SPTBN1: variants seen among roughly 807,000 people sequenced by gnomAD.
SPTBN1 encodes spectrin beta, non-erythrocytic 1.
Under a neutral mutation model 266.4 loss-of-function variants are expected in SPTBN1, and 32 were observed. That is an observed-to-expected ratio of 0.12 (90% CI 0.09 to 0.16). The LOEUF (loss-of-function observed/expected upper bound fraction) is 0.16, where lower values mean the gene tolerates loss of function less well. Among genes scored for constraint, SPTBN1 ranks in the 10% least tolerant of loss-of-function variants. The pLI is 1.00. For synonymous variants in SPTBN1, 1,336 were observed against 1,162.2 expected, an observed-to-expected ratio of 1.15 and a Z score of -3.04; for missense variants, 2,296 against 3,067.1, an observed-to-expected ratio of 0.75 and a Z score of 5.94.
At chr2:54,625,842 C>G (rs1226384953) in intron 11 of SPTBN1, 90 bp from the exon 12 acceptor site, 1 of 1,413,048 alleles carries the variant, frequency 7.1e-7, no homozygotes, top group Middle Eastern at 2.3e-4. Context: ...CTGCCCGCCT[C>G]GGCCTCCCAA....
rs933944192 is a variant in SPTBN1 at position 54,645,157 on chromosome 2, C to T, written c.4270-72C>T. ...CGGTGTGGCCAAGTCCCAGGCCCAG[C>T]AGTTCTGCTTAGAGCCAGTCACTGC... On this transcript the variant is annotated intron_variant, in intron 20 of 35. Coordinates refer to ENST00000356805, the MANE Select transcript of SPTBN1 (RefSeq NM_003128.3). The surrounding 1 kb of genome is among the most constrained non-coding windows in gnomAD (Gnocchi z 4.3). 4 of 1,535,324 alleles carry T rather than the reference C, an allele frequency of 2.6e-6. No individual in the cohort carries two copies. The highest frequency in any genetic ancestry group is 2.7e-6 in the Non-Finnish European group (3 of 1,117,486).
chr2:54,577,904 T>G lies in SPTBN1; in HGVS notation c.149-21188T>G, dbSNP rs1408234336. Among the ~76,000 whole-genome samples, 4 of 148,774 alleles carry G rather than the reference T, an allele frequency of 2.7e-5. No homozygotes were observed. The East Asian group carries it at 7.7e-4, about 29-fold the overall frequency. On this transcript the variant is annotated intron_variant, in intron 2 of 35. Coordinates refer to ENST00000356805, the MANE Select transcript of SPTBN1 (RefSeq NM_003128.3). The stretch of plus-strand genomic sequence containing the variant: ...GTTGAGAGGTAGAAATTCCTGATCC[T>G]TTTTTCAATCTTAAAGGATTTGCTG...
At chr2:54,497,866 C>T (rs1042962473) in intron 1 of SPTBN1, among the ~76,000 whole-genome samples, 2 of 152,192 alleles carry the variant, frequency 1.3e-5, no homozygotes, top group Non-Finnish European at 2.9e-5. Context: ...AGGGTTCCAG[C>T]TCTGCACAGC....
chr2:54,622,228 G>A (rs1161753946), intron 8 of SPTBN1, 72 bp from the exon 9 acceptor site: 13 of 1,516,244 alleles, frequency 8.6e-6, no homozygotes, highest in Middle Eastern at 2.1e-4. Flanking sequence ...GCATGCACTC[G>A]TATAGGGTTA....
At chr2:54,522,697 G>GAGAGAGAGAGAGAAAGAGAAAGAA (rs1553439438) in intron 1 of SPTBN1, among the ~76,000 whole-genome samples, 11,281 of 94,880 alleles carry the variant, frequency 0.12, 1,231 homozygotes, top group East Asian at 0.25. Flanking sequence ...GAGAGAGAGA[G>GAGAGAGAGAGAGAAAGAGAAAGAA]AGAAAGAAAG....
At chr2:54,623,313 G>T (rs1042754314) in intron 9 of SPTBN1, among the ~76,000 whole-genome samples, 166 bp from the exon 10 acceptor site, 4 of 152,156 alleles carry the variant, frequency 2.6e-5, no homozygotes, top group Admixed American at 1.3e-4. Context: ...GAAATTCCAC[G>T]GTTTGGTATG....
intron 30 of SPTBN1, among the ~76,000 whole-genome samples, chr2:54,658,325 C>T (rs778260571): frequency 5.9e-5 from 9 of 151,998 alleles, no homozygotes; most frequent in Non-Finnish European, 1.0e-4. Flanking sequence ...CTTTTTTCTT[C>T]GAATCTTTCA....
At chr2:54,469,218 G>GT (rs1160953228) in intron 1 of SPTBN1, among the ~76,000 whole-genome samples, 5 of 152,184 alleles carry the variant, frequency 3.3e-5, no homozygotes, top group Non-Finnish European at 7.4e-5. Flanking sequence ...AACGGCTTCC[G>GT]TATCTGCTGA....
At chr2:54,589,387 G>A (rs1056532141) in intron 2 of SPTBN1, among the ~76,000 whole-genome samples, 2 of 152,118 alleles carry the variant, frequency 1.3e-5, no homozygotes, top group African/African-American at 4.8e-5. Context: ...TCTCCACATT[G>A]GCAAACTGGG....
intron 3 of SPTBN1, among the ~76,000 whole-genome samples, chr2:54,608,271 T>C (rs1016876707): frequency 6.6e-6 from 1 of 152,156 alleles, no homozygotes; most frequent in Non-Finnish European, 1.5e-5. Flanking sequence ...ATAAGAGCAA[T>C]AAATGAAACA....
chr2:54,540,240 T>G lies in SPTBN1; in HGVS notation c.148+13674T>G, dbSNP rs57224982. Reference sequence around the variant, plus strand: ...TTTCTTTTCTAGTAATAAACAGAAGTAAGACCAGCTGATTGATAGAATCCT... The same window carrying G: ...TTTCTTTTCTAGTAATAAACAGAAGGAAGACCAGCTGATTGATAGAATCCT... On this transcript the variant is annotated intron_variant, in intron 2 of 35. Transcript: ENST00000356805. This position sits in a 1 kb window ranked among gnomAD's most constrained non-coding sequence, Gnocchi z 5.6. 0.021 allele frequency among the ~76,000 whole-genome samples: 3,151 copies of G among 152,312 alleles called. 116 individuals are homozygous for G. Among genetic ancestry groups the G allele is most frequent in the African/African-American group, 0.069 (2,870 of 41,570 alleles).
At chr2:54,475,525 C>T (rs1245170911) in intron 1 of SPTBN1, among the ~76,000 whole-genome samples, 2 of 152,248 alleles carry the variant, frequency 1.3e-5, no homozygotes, top group East Asian at 3.9e-4. Flanking sequence ...TGAGGAATGG[C>T]CTGTGTCCAG....
chr2:54,569,231 G>A (rs1158163791), intron 2 of SPTBN1, among the ~76,000 whole-genome samples: 9 of 152,168 alleles, frequency 5.9e-5, no homozygotes, highest in East Asian at 1.9e-4. Flanking sequence ...CTCCAGAACC[G>A]TCCTGATGGA....
At position 54,649,567 on chromosome 2, in the gene SPTBN1, C is replaced by A; in HGVS notation, c.5203-48C>A. 6.3e-7 allele frequency: 1 copy of A among 1,582,356 alleles called. No individual in the cohort carries two copies. The highest frequency in any genetic ancestry group is 8.6e-7 in the Non-Finnish European group (1 of 1,160,594). The stretch of plus-strand genomic sequence containing the variant: ...AGGGTATTCATGTGATCAAGAAATA[C>A]AGAGTTCACAGTGGGCTCTCTGATT... On this transcript the variant is annotated intron_variant, in intron 25 of 35. Coordinates refer to ENST00000356805, the MANE Select transcript of SPTBN1 (RefSeq NM_003128.3). The surrounding 1 kb of genome is among the most constrained non-coding windows in gnomAD (Gnocchi z 6.7).
intron 2 of SPTBN1, among the ~76,000 whole-genome samples, chr2:54,562,722 G>GTGTGTGTGTGTGTGTA (rs1553447730): frequency 1.3e-5 from 2 of 150,250 alleles, no homozygotes; most frequent in African/African-American, 4.9e-5. Flanking sequence ...GTGTGTGTGT[G>GTGTGTGTGTGTGTGTA]TGTGTGTGTG....
chr2:54,565,253 T>C (rs969070458), intron 2 of SPTBN1, among the ~76,000 whole-genome samples: 1 of 152,212 alleles, frequency 6.6e-6, no homozygotes, highest in East Asian at 1.9e-4. Flanking sequence ...GCAGACTCTT[T>C]AAGTTGCTCC....
rs1681340828 is a variant in SPTBN1 at position 54,665,958 on chromosome 2, G to A, written c.6703G>A (p.Gly2235Ser). 1 of 1,613,954 alleles carries A rather than the reference G, an allele frequency of 6.2e-7. No individual in the cohort carries two copies. Among genetic ancestry groups the A allele is most frequent in the East Asian group, 2.2e-5 (1 of 44,876 alleles). ...VYCVINNQEM[G>S]FYKDAKTAAS... ...TTGTGTCATAAATAACCAAGAAATG[G>A]GTTTCTACAAAGATGCAAAGACTGC... The change falls in exon 34 of 36, where the codon GGT becomes AGT. Residue 2235 changes from glycine (G) to serine (S), a missense_variant. Transcript: ENST00000356805.
rs1209132160 is a variant in SPTBN1, at chr2:54,576,074, A to ATTTTTTTTTTTTTTTTTTTTTTTTTTTTT, written c.149-23018_149-23017insTTTTTTTTTTTTTTTTTTTTTTTTTTTTT. On this transcript the variant is annotated intron_variant, in intron 2 of 35. Coordinates refer to ENST00000356805, the MANE Select transcript of SPTBN1 (RefSeq NM_003128.3). ...ATCCAGCTTTTTTTTTTTTTTTTTGAGAGACAGTCTGGCTGTGTCTCCCAG... is the reference window on the plus strand; with the variant it reads ...ATCCAGCTTTTTTTTTTTTTTTTTGATTTTTTTTTTTTTTTTTTTTTTTTTTTTTGAGACAGTCTGGCTGTGTCTCCCAG... 6.3e-4 allele frequency among the ~76,000 whole-genome samples: 59 copies of ATTTTTTTTTTTTTTTTTTTTTTTTTTTTT among 93,850 alleles called. 12 individuals carry two copies. Among genetic ancestry groups the ATTTTTTTTTTTTTTTTTTTTTTTTTTTTT allele is most frequent in the Admixed American group, 8.4e-4 (6 of 7,170 alleles). The allele number at this position is 93,850 out of a possible 152,430, so 61.6% of individuals were successfully genotyped here.
rs1680119536 is a variant in SPTBN1, at chr2:54,649,341, C to G, written c.5202+151C>G. The G allele has an allele frequency of 9.7e-7, 1 of 1,034,442 alleles. No individual in the cohort carries two copies. Among genetic ancestry groups the G allele is most frequent in the Admixed American group, 2.9e-5 (1 of 34,424 alleles). 64.1% of individuals were successfully genotyped at this position (1,034,442 alleles called of 1,614,324 possible). A position where few individuals can be genotyped will look rare whatever the true frequency, so the allele number is the denominator to read the frequency against. On this transcript the variant is annotated intron_variant, in intron 25 of 35. Transcript: ENST00000356805. This position sits in a 1 kb window ranked among gnomAD's most constrained non-coding sequence, Gnocchi z 6.7. ...TTTAAGGTGGTGTTTCTTTTATAAG[C>G]TGGTGACTCGCATTTAGGTTGGCTA... is the stretch of plus-strand genomic sequence containing the variant.
Sources: gnomAD v4.1 joint callset for allele counts (sites outside exome capture counted in the v4.1 genomes callset) on GRCh38, gnomAD v4.1.1 for gene constraint, Gnocchi (gnomAD v3.1) non-coding constraint, MANE v1.5 for transcripts, NCBI Gene and HGNC (gene_info 2026-07-23, HGNC 2026-07-21) for gene names.